Variants in UBR4 observed in about 807,000 individuals in gnomAD.
UBR4 encodes the protein ubiquitin protein ligase E3 component n-recognin 4, also known as E3 ubiquitin-protein ligase UBR4.
UBR4 carries 124 observed loss-of-function variants against 575.6 expected under a neutral mutation model. The ratio of observed to expected loss-of-function variants is 0.22; its 90% CI spans 0.19 to 0.25. The LOEUF is 0.25. Among genes scored for constraint, UBR4 ranks in the 10% least tolerant of loss-of-function variants. UBR4 has a pLI of 1.00. For synonymous variants in UBR4, 2,455 were observed against 2,473.7 expected, an observed-to-expected ratio of 0.99 and a Z score of 0.22; for missense variants, 4,818 against 6,478.8, an observed-to-expected ratio of 0.74 and a Z score of 8.80.
In UBR4 at chr1:19,192,374, T is replaced by C. The variant is rs200270724; in HGVS notation, c.1208A>G (p.Tyr403Cys). The C allele has an allele frequency of 1.2e-6, 2 of 1,614,148 alleles. No individual in the cohort carries two copies. Among genetic ancestry groups the C allele is most frequent in the African/African-American group, 1.3e-5 (1 of 75,026 alleles). ...SSSRRAGGEH[Y>C]QNFQLLGAWC... is the part of the protein sequence containing the mutation. Reference sequence around the variant, plus strand: ...AGCACCCAGCAATTGGAAATTCTGATAGTGCTGTTGTGAAAGGCACAAAAT... The same window carrying C: ...AGCACCCAGCAATTGGAAATTCTGACAGTGCTGTTGTGAAAGGCACAAAAT... The change falls in exon 11 of 106, where the codon TAT becomes TGT. Residue 403 changes from tyrosine to cysteine, a missense_variant. Physicochemically the swap from Tyr to Cys is radical, Grantham distance 194. Around this residue, in one of 29 missense-constraint regions of UBR4, gnomAD observed 131 missense variants for 214.5 expected, o/e 0.61. Coordinates refer to ENST00000375254, the MANE Select transcript of UBR4 (RefSeq NM_020765.3).
chr1:19,127,691 C>A lies in UBR4; in HGVS notation c.9160G>T (p.Val3054Leu). The change falls in exon 63 of 106, where the codon GTA (valine) becomes TTA (leucine). Residue 3054 changes from valine (V) to leucine (L), a missense_variant. Transcript: ENST00000375254. ...AAGACACTCAGGAGTCTCATTACTA[C>A]CAGATGGACTTCATTCAGGGCGCTG... ...ERSALNEVHL[V>L]VMRLLSVFMS... 1 of 1,614,156 alleles carries A rather than the reference C, an allele frequency of 6.2e-7. No homozygotes were observed. The highest frequency in any genetic ancestry group is 8.5e-7 in the Non-Finnish European group (1 of 1,180,012).
chr1:19,145,346 T>C (rs1571081512), intron 53 of UBR4, among the ~76,000 whole-genome samples: 1 of 152,234 alleles, frequency 6.6e-6, no homozygotes, highest in African/African-American at 2.4e-5. Flanking sequence ...CTTTTCTATA[T>C]TGCTATTCAG....
chr1:19,150,561 C>A lies in UBR4; in HGVS notation c.7430+16G>T. ...AATATGTAAAAACTGAAGCCAACCC[C>A]TGCCAGCACTGGTACCTCTCCAGGA... On this transcript the variant is annotated intron_variant, in intron 49 of 105. Transcript: ENST00000375254. 6.2e-7 allele frequency: 1 copy of A among 1,612,278 alleles called. No individual in the cohort carries two copies. Among genetic ancestry groups the A allele is most frequent in the Non-Finnish European group, 8.5e-7 (1 of 1,179,772 alleles).
At position 19,165,004 on chromosome 1, in the gene UBR4, G is replaced by A. The variant is rs376106155; in HGVS notation, c.4313-7C>T. ...GGGTTAGGGCTCTTCTCAGCTAGGA[G>A]CAGAACAAGAGGCCAGGGTCAGTAA... On this transcript the variant is annotated splice_polypyrimidine_tract_variant and splice_region_variant and intron_variant, in intron 31 of 105. Coordinates refer to ENST00000375254, the MANE Select transcript of UBR4 (RefSeq NM_020765.3). The A allele has an allele frequency of 3.5e-5, 57 of 1,613,912 alleles. No individual in the cohort carries two copies. Among genetic ancestry groups the A allele is most frequent in the Admixed American group, 5.0e-5 (3 of 59,998 alleles).
At chr1:19,179,890 G>A (rs1349529056) in intron 17 of UBR4, among the ~76,000 whole-genome samples, 2 of 152,188 alleles carry the variant, frequency 1.3e-5, no homozygotes, top group African/African-American at 4.8e-5. Flanking sequence ...CACAAAGCAT[G>A]GTTACTGTGG....
chr1:19,099,312 C>A (rs758945505), intron 90 of UBR4, among the ~76,000 whole-genome samples: 1 of 152,226 alleles, frequency 6.6e-6, no homozygotes, highest in South Asian at 2.1e-4. Context: ...TCCTTCGACA[C>A]CCCCTGGCTT....
chr1:19,190,292 CA>C lies in UBR4; in HGVS notation c.1394+1895del, dbSNP rs1184892281. On this transcript the variant is annotated intron_variant, in intron 11 of 105. Coordinates refer to ENST00000375254, the MANE Select transcript of UBR4 (RefSeq NM_020765.3). ...TGGGCAACAGAGCGAGACTCTGCCT[CA>C]AAAAAAAAAAAAAAAAAAAATATAT... 9.9e-3 allele frequency among the ~76,000 whole-genome samples: 401 copies of C among 40,370 alleles called. 6 individuals are homozygous for C. The highest frequency in any genetic ancestry group is 0.013 in the Non-Finnish European group (297 of 23,302). The allele number at this position is 40,370 out of a possible 152,430, so 26.5% of individuals were successfully genotyped here.
At chr1:19,079,422 A>G (rs2076269518) in intron 103 of UBR4, 1 of 152,168 alleles carries the variant, frequency 6.6e-6, no homozygotes, top group Non-Finnish European at 1.5e-5. Flanking sequence ...ACAAGAATCC[A>G]TTTCTCTGCA....
chr1:19,143,895 GA>G lies in UBR4; in HGVS notation c.8179+84del, dbSNP rs1460886851. On this transcript the variant is annotated intron_variant, in intron 55 of 105. Transcript: ENST00000375254. ...AAGTCTCCAGGACCTTGGTCAACATGAGCAGCATGCCCAATGCTACTGTACC... is the reference window on the plus strand; with the variant it reads ...AAGTCTCCAGGACCTTGGTCAACATGGCAGCATGCCCAATGCTACTGTACC... The G allele has an allele frequency of 1.2e-5, 15 of 1,255,708 alleles. No homozygotes were observed. In the African/African-American group the frequency reaches 2.2e-4, roughly 19 times the overall value. 77.8% of individuals were successfully genotyped at this position (1,255,708 alleles called of 1,614,324 possible). A position where few individuals can be genotyped will look rare whatever the true frequency, so the allele number is the denominator to read the frequency against.
rs2081336761 is a variant in UBR4 at position 19,122,976 on chromosome 1, G to A, written c.9673C>T (p.Arg3225Cys). Residue 3225 changes from arginine to cysteine, a missense_variant, in exon 66 of 106, where the codon CGC (arginine) becomes TGC (cysteine). This residue lies in a region of UBR4 where 550 missense variants were observed against 791.5 expected (regional missense o/e 0.69). Coordinates refer to ENST00000375254, the MANE Select transcript of UBR4 (RefSeq NM_020765.3). ...AGGGTGTGCAAATCCCGGAGCTGGCGGTACTTCTCTTTGGATCCACAGATG... is the reference window on the plus strand; with the variant it reads ...AGGGTGTGCAAATCCCGGAGCTGGCAGTACTTCTCTTTGGATCCACAGATG... ...LFICGSKEKY[R>C]QLRDLHTLDS... is the part of the protein sequence containing the mutation. 6.2e-7 allele frequency: 1 copy of A among 1,614,172 alleles called. No individual in the cohort carries two copies. The highest frequency in any genetic ancestry group is 8.5e-7 in the Non-Finnish European group (1 of 1,180,034).
At chr1:19,174,889 G>T in intron 21 of UBR4, 65 bp downstream of exon 21, 1 of 1,463,450 alleles carries the variant, frequency 6.8e-7, no homozygotes, top group African/African-American at 1.4e-5. Flanking sequence ...TTTCCCCCCA[G>T]TAGGCTGATT....
Position 19,183,904 on chromosome 1 carries a change from AC to A in UBR4, c.2099-9del. On this transcript the variant is annotated splice_polypyrimidine_tract_variant and intron_variant, in intron 16 of 105. Transcript: ENST00000375254. ...ACTCTTCATCTGATGAACCTTAAAG[AC>A]AAGTAGAAAAGCCAATTATTTAAGC... 6.2e-7 allele frequency: 1 copy of A among 1,614,064 alleles called. No homozygotes were observed. Among genetic ancestry groups the A allele is most frequent in the Non-Finnish European group, 8.5e-7 (1 of 1,179,988 alleles).
intron 103 of UBR4, chr1:19,078,568 G>A (rs1290363062): frequency 6.3e-6 from 1 of 158,544 alleles, no homozygotes; most frequent in African/African-American, 2.4e-5. Context: ...TGTCAAACAT[G>A]TGCTGTGTTA....
intron 102 of UBR4, chr1:19,082,036 T>G (rs2076568077): frequency 1.9e-6 from 1 of 539,926 alleles, no homozygotes; most frequent in Non-Finnish European, 3.3e-6. Context: ...TTGCTCCACA[T>G]AGTCTTGTTA....
chr1:19,180,111 T>C (rs2090736587), intron 17 of UBR4, among the ~76,000 whole-genome samples: 1 of 152,194 alleles, frequency 6.6e-6, no homozygotes, highest in Non-Finnish European at 1.5e-5. Context: ...AAGTATTATG[T>C]GCTCCATGTC....
intron 2 of UBR4, among the ~76,000 whole-genome samples, chr1:19,200,178 T>G (rs1442987546): frequency 6.6e-6 from 1 of 151,872 alleles, no homozygotes; most frequent in African/African-American, 2.4e-5. Flanking sequence ...ACCAGGAGTG[T>G]GCAATCTTTT....
chr1:19,126,855 GACAA>G (rs905748666), intron 63 of UBR4, among the ~76,000 whole-genome samples, 200 bp from the exon 64 acceptor site: 3 of 152,176 alleles, frequency 2.0e-5, no homozygotes, highest in Non-Finnish European at 4.4e-5. Flanking sequence ...CACATGGTAA[GACAA>G]ACAAAGAAAC....
intron 66 of UBR4, 44 bp downstream of exon 66, chr1:19,122,789 A>G: frequency 1.2e-6 from 2 of 1,610,674 alleles, no homozygotes; most frequent in Non-Finnish European, 1.7e-6. Flanking sequence ...GCTAAGCCTT[A>G]TCACATCCCC....
In UBR4 at chr1:19,155,010, C is replaced by T. The variant is rs555872089; in HGVS notation, c.6366G>A (p.Leu2122=). Residue 2122 remains leucine (L), a synonymous_variant, in exon 44 of 106, where the codon TTG becomes TTA. Coordinates refer to ENST00000375254, the MANE Select transcript of UBR4 (RefSeq NM_020765.3). ...SVYYSHVLQM[L]FFSYCQGKSF... is the part of the protein sequence containing the mutation. ...ATTTGCCTTGACAATAGCTGAAGAA[C>T]AACATCTGCAACACGTGGGAGTAGT... 3.5e-5 allele frequency: 57 copies of T among 1,614,196 alleles called. No individual in the cohort carries two copies. In the East Asian group the frequency reaches 8.9e-4, roughly 25 times the overall value.
Sources: gnomAD v4.1 joint callset for allele counts (sites outside exome capture counted in the v4.1 genomes callset) on GRCh38, gnomAD v4.1.1 for gene constraint, gnomAD v4.1.1 regional missense constraint, MANE v1.5 for transcripts, NCBI Gene and HGNC (gene_info 2026-07-23, HGNC 2026-07-21) for gene names.